The following ITK variants were observed in gnomAD, a reference collection of about 807,000 sequenced individuals.
ITK encodes the protein IL2 inducible T cell kinase.
A neutral mutation model predicts 87.6 loss-of-function variants in ITK; 45 were observed. The ratio of observed to expected loss-of-function variants is 0.51; its 90% CI spans 0.40 to 0.66. ITK has a LOEUF of 0.66. ITK is among the 30% of genes least tolerant of loss of function. The pLI is 0.00. For missense variants in ITK, 605 were observed against 766.3 expected, an observed-to-expected ratio of 0.79 and a Z score of 2.48; for synonymous variants, 303 against 273.6, an observed-to-expected ratio of 1.11 and a Z score of -1.06.
At chr5:157,188,440 C>A (rs1221863074) in intron 1 of ITK, among the ~76,000 whole-genome samples, 1 of 152,160 alleles carries the variant, frequency 6.6e-6, no homozygotes, top group East Asian at 1.9e-4. Context: ...GTCACATCTG[C>A]CTTCTTCCTG....
intron 8 of ITK, among the ~76,000 whole-genome samples, chr5:157,234,519 T>C (rs957067240): frequency 6.6e-6 from 1 of 152,222 alleles, no homozygotes. Context: ...AGAGATGAAT[T>C]CCTGCATAGT....
intron 16 of ITK, among the ~76,000 whole-genome samples, chr5:157,249,898 G>C (rs1380375203): frequency 6.6e-6 from 1 of 151,984 alleles, no homozygotes; most frequent in Non-Finnish European, 1.5e-5. Flanking sequence ...CATTCAGTTG[G>C]CACTTTTTCC....
rs752462162 is a variant in ITK at position 157,252,662 on chromosome 5, C to T, written c.1847C>T (p.Ala616Val). 1.2e-6 allele frequency: 2 copies of T among 1,613,538 alleles called. No homozygotes were observed. The highest frequency in any genetic ancestry group is 1.7e-6 in the Non-Finnish European group (2 of 1,179,420). ...SRLLRQLAEI[A>V]ESGL is the part of the protein sequence containing the mutation. The stretch of plus-strand genomic sequence containing the variant: ...CTGCTGCGTCAACTGGCTGAAATTG[C>T]AGAATCAGGACTTTAGTAGAGACTG... Residue 616 changes from alanine (A) to valine (V), a missense_variant, in exon 17 of 17, where the codon GCA becomes GTA. Physicochemically the swap from Ala to Val is moderately conservative, Grantham distance 64 (BLOSUM62 0). Coordinates refer to ENST00000422843, the MANE Select transcript of ITK (RefSeq NM_005546.4).
At chr5:157,252,065 G>T (rs539382332) in intron 16 of ITK, among the ~76,000 whole-genome samples, 29 of 152,244 alleles carry the variant, frequency 1.9e-4, no homozygotes, top group African/African-American at 7.0e-4. Context: ...GAATCTATAA[G>T]TCAAGTTGGG....
At chr5:157,200,987 A>G (rs1293995228) in intron 1 of ITK, among the ~76,000 whole-genome samples, 1 of 152,226 alleles carries the variant, frequency 6.6e-6, no homozygotes, top group Non-Finnish European at 1.5e-5. Flanking sequence ...TGTGTGGATA[A>G]CAATTTTTTT....
chr5:157,247,978 A>C (rs1755056215), intron 15 of ITK, among the ~76,000 whole-genome samples: 2 of 152,174 alleles, frequency 1.3e-5, no homozygotes, highest in Admixed American at 1.3e-4. Flanking sequence ...AAGCATTCTT[A>C]TTTAGGGTCA....
chr5:157,251,413 A>G (rs1244598444), intron 16 of ITK, among the ~76,000 whole-genome samples: 2 of 152,166 alleles, frequency 1.3e-5, no homozygotes, highest in Non-Finnish European at 2.9e-5. Flanking sequence ...TTTATCAGAT[A>G]TGTGTTTTGC....
At chr5:157,220,499 C>G (rs60485741) in intron 5 of ITK, among the ~76,000 whole-genome samples, 1 of 152,144 alleles carries the variant, frequency 6.6e-6, no homozygotes. Context: ...TACCTGGGCT[C>G]TCTGTGAGGG....
chr5:157,210,086 C>T (rs756984217), intron 2 of ITK, among the ~76,000 whole-genome samples: 1 of 152,100 alleles, frequency 6.6e-6, no homozygotes, highest in South Asian at 2.1e-4. Context: ...CCAACACTCC[C>T]GGCTAATTTT....
At chr5:157,250,524 T>C (rs1755120670) in intron 16 of ITK, among the ~76,000 whole-genome samples, 1 of 139,966 alleles carries the variant, frequency 7.1e-6, no homozygotes, top group African/African-American at 2.6e-5. Context: ...TGGGGTTTTG[T>C]TTTTTTTTTT....
Position 157,223,272 on chromosome 5 carries a change from A to T in ITK, c.647+258A>T, listed in dbSNP as rs146934400. 4.3e-4 allele frequency among the ~76,000 whole-genome samples: 65 copies of T among 152,184 alleles called. 1 individual carries two copies. Among genetic ancestry groups the T allele is most frequent in the African/African-American group, 1.1e-3 (44 of 41,520 alleles). ...AGGCACTCCAGACCCAAACTCATCT[A>T]AAAAACCCCCTGGATTTTTCCACTG... On this transcript the variant is annotated intron_variant, in intron 6 of 16. Transcript: ENST00000422843.
At chr5:157,197,920 C>T (rs1429728705) in intron 1 of ITK, among the ~76,000 whole-genome samples, 2 of 151,996 alleles carry the variant, frequency 1.3e-5, no homozygotes, top group South Asian at 2.1e-4. Flanking sequence ...TAGAATAAAT[C>T]AGATCAGGGA....
At chr5:157,198,212 A>G (rs1050471292) in intron 1 of ITK, among the ~76,000 whole-genome samples, 2 of 152,170 alleles carry the variant, frequency 1.3e-5, no homozygotes, top group African/African-American at 4.8e-5. Context: ...TGCTCTTCAT[A>G]GTTTCTTATG....
chr5:157,212,120 C>T (rs1326208020), intron 3 of ITK, among the ~76,000 whole-genome samples: 1 of 152,154 alleles, frequency 6.6e-6, no homozygotes, highest in Non-Finnish European at 1.5e-5. Context: ...TGGGTAAGTT[C>T]CTTGACCTTC....
intron 6 of ITK, among the ~76,000 whole-genome samples, chr5:157,225,635 C>T (rs544024592): frequency 6.6e-6 from 1 of 152,250 alleles, no homozygotes; most frequent in African/African-American, 2.4e-5. Context: ...AGATTCAGAA[C>T]CATGGTTTGA....
chr5:157,211,190 A>G (rs1244112423), intron 2 of ITK, 97 bp from the exon 3 acceptor site: 1 of 979,010 alleles, frequency 1.0e-6, no homozygotes, highest in Non-Finnish European at 1.7e-6. Context: ...ATATGACGAT[A>G]AACACCCGAG....
chr5:157,248,784 C>T (rs1755072250), intron 15 of ITK, 66 bp from the exon 16 acceptor site: 24 of 1,565,658 alleles, frequency 1.5e-5, no homozygotes, highest in Non-Finnish European at 2.0e-5. Context: ...TTTCTAGAGG[C>T]AGGTTGGTTT....
chr5:157,203,485 T>G (rs559255683), intron 1 of ITK, among the ~76,000 whole-genome samples: 1 of 152,306 alleles, frequency 6.6e-6, no homozygotes, highest in Non-Finnish European at 1.5e-5. Flanking sequence ...GACAAAAATG[T>G]CAGCAAATGG....
At chr5:157,233,290 T>C (rs1580900647) in intron 8 of ITK, among the ~76,000 whole-genome samples, 1 of 152,200 alleles carries the variant, frequency 6.6e-6, no homozygotes. Flanking sequence ...TCTCAGTCCA[T>C]GGCATTGGGA....
Sources: gnomAD v4.1 joint callset for allele counts (sites outside exome capture counted in the v4.1 genomes callset) on GRCh38, gnomAD v4.1.1 for gene constraint, MANE v1.5 for transcripts, NCBI Gene and HGNC (gene_info 2026-07-23, HGNC 2026-07-21) for gene names.